Variants in ADAMTS6 observed in about 807,000 individuals in gnomAD.
ADAMTS6 encodes the protein ADAM metallopeptidase with thrombospondin type 1 motif 6, also known as A disintegrin and metalloproteinase with thrombospondin motifs 6.
Under a neutral mutation model 144.3 loss-of-function variants are expected in ADAMTS6, and 23 were observed. The ratio of observed to expected loss-of-function variants is 0.16; its 90% confidence interval spans 0.11 to 0.23. The LOEUF (loss-of-function observed/expected upper bound fraction) is 0.23. Ranked by LOEUF, ADAMTS6 falls within the 10% of genes least tolerant of loss-of-function variation. The pLI is 1.00. For missense variants in ADAMTS6, 999 were observed against 1,379.6 expected, an observed-to-expected ratio of 0.72 and a Z score of 4.37; for synonymous variants, 444 against 457.5, an observed-to-expected ratio of 0.97 and a Z score of 0.38.
intron 7 of ADAMTS6, among the ~76,000 whole-genome samples, chr5:65,411,254 G>C (rs2150182734): frequency 6.6e-6 from 1 of 152,260 alleles, no homozygotes; most frequent in East Asian, 1.9e-4. Context: ...GAACATGGGA[G>C]TGCACGTATC....
In ADAMTS6 at chr5:65,263,356, T is replaced by C. The variant is rs1014031907; in HGVS notation, c.1621-394A>G. On this transcript the variant is annotated intron_variant, in intron 12 of 24. Coordinates refer to ENST00000381055, the MANE Select transcript of ADAMTS6 (RefSeq NM_197941.4). Reference sequence around the variant, plus strand: ...CACTATTATTAGACTCATGGAATGATAACGCAATATGGAAGGTTCCCCAGT... The same window carrying C: ...CACTATTATTAGACTCATGGAATGACAACGCAATATGGAAGGTTCCCCAGT... Among the ~76,000 whole-genome samples the C allele has an allele frequency of 6.7e-5, 10 of 148,584 alleles. No homozygotes were observed. The South Asian group carries it at 2.1e-3, about 31-fold the overall frequency.
intron 9 of ADAMTS6, among the ~76,000 whole-genome samples, chr5:65,328,628 G>A (rs991871817): frequency 6.6e-6 from 1 of 151,832 alleles, no homozygotes; most frequent in African/African-American, 2.4e-5. Flanking sequence ...TTGACTAATT[G>A]AGGCAAGTCA....
intron 9 of ADAMTS6, among the ~76,000 whole-genome samples, chr5:65,314,469 G>A (rs568284386): frequency 6.6e-6 from 1 of 152,230 alleles, no homozygotes; most frequent in South Asian, 2.1e-4. Flanking sequence ...GAAGGGAGCA[G>A]AAAAGTATTT....
At chr5:65,156,188 G>A (rs1752406322) in intron 24 of ADAMTS6, among the ~76,000 whole-genome samples, 1 of 152,092 alleles carries the variant, frequency 6.6e-6, no homozygotes, top group Non-Finnish European at 1.5e-5. Context: ...ATGTCGTTGA[G>A]AGGCCTTAAT....
At chr5:65,433,905 G>T (rs1050717586) in intron 7 of ADAMTS6, among the ~76,000 whole-genome samples, 1 of 152,174 alleles carries the variant, frequency 6.6e-6, no homozygotes, top group African/African-American at 2.4e-5. Flanking sequence ...CTACCCCTAG[G>T]TATATACTCA....
At chr5:65,400,183 C>A (rs959863902) in intron 7 of ADAMTS6, among the ~76,000 whole-genome samples, 7 of 151,744 alleles carry the variant, frequency 4.6e-5, no homozygotes, top group Non-Finnish European at 8.8e-5. Context: ...AGAATTTTTT[C>A]TTCTTTTTAA....
Position 65,258,879 on chromosome 5 carries a change from A to C in ADAMTS6, c.1830+1721T>G, listed in dbSNP as rs185399115. On this transcript the variant is annotated intron_variant, in intron 14 of 24. Transcript: ENST00000381055. Reference sequence around the variant, plus strand: ...CATTAAAAGTCTATTTAAATATAAGATATGAACCTGGAATTCATGAAAGAA... The same window carrying C: ...CATTAAAAGTCTATTTAAATATAAGCTATGAACCTGGAATTCATGAAAGAA... 1.9e-4 allele frequency among the ~76,000 whole-genome samples: 29 copies of C among 152,312 alleles called. No individual in the cohort carries two copies. In the East Asian group the frequency reaches 3.9e-3, roughly 20 times the overall value.
intron 24 of ADAMTS6, among the ~76,000 whole-genome samples, chr5:65,154,264 T>A (rs1752286824): frequency 6.6e-6 from 1 of 152,154 alleles, no homozygotes; most frequent in Non-Finnish European, 1.5e-5. Context: ...ATTTTGTTCC[T>A]TAGATGAGTG....
intron 24 of ADAMTS6, among the ~76,000 whole-genome samples, chr5:65,163,575 T>A (rs1752921198): frequency 6.6e-6 from 1 of 152,242 alleles, no homozygotes; most frequent in South Asian, 2.1e-4. Context: ...GTGAGTATTA[T>A]TTTTAAGAAT....
chr5:65,416,748 TA>T (rs143757215), intron 7 of ADAMTS6, among the ~76,000 whole-genome samples: 3,112 of 132,646 alleles, frequency 0.023, 68 homozygotes, highest in African/African-American at 0.061. Flanking sequence ...AGACTCCATT[TA>T]AAAAAAAAAA....
At chr5:65,272,177 T>C (rs1160997122) in intron 12 of ADAMTS6, among the ~76,000 whole-genome samples, 1 of 152,180 alleles carries the variant, frequency 6.6e-6, no homozygotes, top group African/African-American at 2.4e-5. Flanking sequence ...ATAATCCTTG[T>C]TGAAACTAGC....
At chr5:65,302,099 AAAAAAAAAAT>A (rs983783792) in intron 9 of ADAMTS6, among the ~76,000 whole-genome samples, 3 of 94,404 alleles carry the variant, frequency 3.2e-5, no homozygotes, top group African/African-American at 1.4e-4. Context: ...CTCCAAAAAA[AAAAAAAAAAT>A]ATATATATAT....
At chr5:65,436,383 A>C (rs1757408515) in intron 7 of ADAMTS6, among the ~76,000 whole-genome samples, 1 of 152,180 alleles carries the variant, frequency 6.6e-6, no homozygotes, top group Non-Finnish European at 1.5e-5. Flanking sequence ...CTTCTTCTTC[A>C]ACAAATTGTG....
intron 7 of ADAMTS6, among the ~76,000 whole-genome samples, chr5:65,424,889 G>T (rs1756376896): frequency 6.6e-6 from 1 of 152,074 alleles, no homozygotes. Flanking sequence ...ATTCTTAACA[G>T]CCTAGGACTT....
intron 7 of ADAMTS6, among the ~76,000 whole-genome samples, chr5:65,357,277 T>C (rs1328755457): frequency 6.6e-6 from 1 of 150,988 alleles, no homozygotes; most frequent in Admixed American, 6.6e-5. Flanking sequence ...AAAATGAAAA[T>C]ACAACATACC....
intron 1 of ADAMTS6, among the ~76,000 whole-genome samples, chr5:65,480,771 C>A (rs969605714): frequency 6.6e-6 from 1 of 152,064 alleles, no homozygotes; most frequent in Non-Finnish European, 1.5e-5. Context: ...CCCAAGTGGC[C>A]AAAAGTAAAT....
rs1753555380 is a variant in ADAMTS6, at chr5:65,170,599, C to T, written c.3244+18G>A. 6.2e-7 allele frequency: 1 copy of T among 1,613,018 alleles called. No individual in the cohort carries two copies. Among genetic ancestry groups the T allele is most frequent in the Non-Finnish European group, 8.5e-7 (1 of 1,179,526 alleles). ...GGGTCATTAGAAACCACAGGCCCCT[C>T]CTCCATGGAAAACTCACCTTCAGTA... On this transcript the variant is annotated intron_variant, in intron 24 of 24. Coordinates refer to ENST00000381055, the MANE Select transcript of ADAMTS6 (RefSeq NM_197941.4).
chr5:65,309,105 C>T (rs1394447550), intron 9 of ADAMTS6, among the ~76,000 whole-genome samples: 5 of 150,884 alleles, frequency 3.3e-5, no homozygotes, highest in Non-Finnish European at 7.4e-5. Context: ...TTCCACAGAC[C>T]AGGGTGGGGT....
At chr5:65,376,030 A>G (rs1210326718) in intron 7 of ADAMTS6, among the ~76,000 whole-genome samples, 1 of 151,658 alleles carries the variant, frequency 6.6e-6, no homozygotes, top group Non-Finnish European at 1.5e-5. Flanking sequence ...CAAAGACCGC[A>G]TATTCTCACT....
Sources: allele counts gnomAD v4.1 joint callset (sites outside exome capture counted in the v4.1 genomes callset), GRCh38; gene constraint gnomAD v4.1.1; transcripts MANE v1.5; gene names NCBI Gene and HGNC (gene_info 2026-07-23, HGNC 2026-07-21).